The following EEF1AKMT2 variants were observed in gnomAD, a reference collection of about 807,000 sequenced individuals.
EEF1AKMT2 encodes eukaryotic translation elongation factor 1 alpha lysine methyltransferase 2.
In EEF1AKMT2, 32 loss-of-function variants were observed where a neutral mutation model predicts 35.8. The ratio of observed to expected loss-of-function variants is 0.89; its 90% confidence interval spans 0.67 to 1.20. EEF1AKMT2 has a LOEUF of 1.20. Among genes scored for constraint, EEF1AKMT2 ranks in the 50% most tolerant of loss-of-function variants. EEF1AKMT2 has a pLI of 0.00. For missense variants in EEF1AKMT2, 330 were observed against 347.5 expected (o/e 0.95, Z 0.40); for synonymous variants, 121 against 133.7 (o/e 0.91, Z 0.65).
chr10:124,767,431 T>C (rs1442985765), intron 4 of EEF1AKMT2, among the ~76,000 whole-genome samples: 2 of 148,558 alleles, frequency 1.3e-5, no homozygotes, highest in East Asian at 3.9e-4. Context: ...GAGAATTGCT[T>C]GAACTGGGAA....
At position 124,760,466 on chromosome 10, in the gene EEF1AKMT2, G is replaced by A. The variant is rs189706561; in HGVS notation, c.*37C>T. ...TGTTTCCAGATCTGCCTCCAAAGCTGAACTTGGGTGTTGGTAGCTCTTCGA... is the reference window on the plus strand; with the variant it reads ...TGTTTCCAGATCTGCCTCCAAAGCTAAACTTGGGTGTTGGTAGCTCTTCGA... On this transcript the variant is annotated 3_prime_UTR_variant, in exon 7 of 7. Transcript: ENST00000368836. 19 of 1,613,826 alleles carry A rather than the reference G, an allele frequency of 1.2e-5. No homozygotes were observed. The African/African-American group carries it at 2.5e-4, about 22-fold the overall frequency.
chr10:124,777,973 T>A (rs1407765191), intron 3 of EEF1AKMT2, among the ~76,000 whole-genome samples: 1 of 152,112 alleles, frequency 6.6e-6, no homozygotes, highest in Non-Finnish European at 1.5e-5. Context: ...CACAACCCTC[T>A]ATATCCACAG....
chr10:124,757,272 G>A (rs1177857786), downstream of EEF1AKMT2, among the ~76,000 whole-genome samples: 1 of 151,266 alleles, frequency 6.6e-6, no homozygotes, highest in African/African-American at 2.4e-5. Context: ...GCAGAGGGCT[G>A]TCCAGGAGCA....
At chr10:124,787,930 G>C (rs948263438) in intron 3 of EEF1AKMT2, among the ~76,000 whole-genome samples, 1 of 152,040 alleles carries the variant, frequency 6.6e-6, no homozygotes, top group Non-Finnish European at 1.5e-5. Context: ...TTTCAAGAAG[G>C]GTTATTTCAA....
chr10:124,788,729 T>TATATATATATATATATATATAC (rs57124028), intron 3 of EEF1AKMT2, among the ~76,000 whole-genome samples: 1 of 141,320 alleles, frequency 7.1e-6, no homozygotes, highest in African/African-American at 2.5e-5. Flanking sequence ...TATATATATA[T>TATATATATATATATATATATAC]GCATTTCTAG....
intron 3 of EEF1AKMT2, among the ~76,000 whole-genome samples, chr10:124,782,599 AAAAAG>A (rs1950551614): frequency 6.7e-6 from 1 of 150,102 alleles, no homozygotes; most frequent in South Asian, 2.1e-4. Flanking sequence ...AAAAAAAAAA[AAAAAG>A]AGTTCAAGAC....
chr10:124,760,394 G>T lies in EEF1AKMT2; in HGVS notation c.*109C>A. 6.3e-7 allele frequency: 1 copy of T among 1,580,018 alleles called. No homozygotes were observed. The highest frequency in any genetic ancestry group is 1.1e-5 in the South Asian group (1 of 89,050). On this transcript the variant is annotated 3_prime_UTR_variant, in exon 7 of 7. Transcript: ENST00000368836. ...AGATTCTGTGTAGCTACCTGAATTC[G>T]TCCAAGAAAAAGTCTCACATTTTTT...
chr10:124,777,256 G>A (rs1166125795), intron 3 of EEF1AKMT2, among the ~76,000 whole-genome samples: 1 of 148,414 alleles, frequency 6.7e-6, no homozygotes, highest in Non-Finnish European at 1.5e-5. Context: ...TCCAGCCTGG[G>A]CTACAAGAGC....
chr10:124,762,706 C>T (rs1299379419), intron 5 of EEF1AKMT2, 148 bp from the exon 6 acceptor site: 1 of 367,344 alleles, frequency 2.7e-6, no homozygotes, highest in African/African-American at 2.2e-5. Flanking sequence ...TATTATAATG[C>T]TTATTAAAAG....
intron 4 of EEF1AKMT2, among the ~76,000 whole-genome samples, chr10:124,774,374 CAAAAA>C (rs57130146): frequency 2.8e-4 from 6 of 21,708 alleles, no homozygotes; most frequent in Admixed American, 1.1e-3. Flanking sequence ...GACTCAGTCT[CAAAAA>C]AAAAAAAAAA....
In EEF1AKMT2 at chr10:124,791,147, T is replaced by G. The variant is rs1474278558; in HGVS notation, c.110+577A>C. ...CTCCCTCTCATCCCGCCAATTTACC[T>G]CTCCCCAACTGTTCCCTGCAGCCAT... is the stretch of plus-strand genomic sequence containing the variant. On this transcript the variant is annotated intron_variant, in intron 1 of 6. Transcript: ENST00000368836. Among the ~76,000 whole-genome samples, 4 of 152,070 alleles carry G rather than the reference T, an allele frequency of 2.6e-5. No homozygotes were observed. The East Asian group carries it at 7.8e-4, about 29-fold the overall frequency.
intron 5 of EEF1AKMT2, among the ~76,000 whole-genome samples, chr10:124,765,071 T>C (rs767201477): frequency 6.6e-6 from 1 of 152,122 alleles, no homozygotes; most frequent in Non-Finnish European, 1.5e-5. Flanking sequence ...CCAGCTAATT[T>C]TTTGTATTTT....
At chr10:124,764,770 A>G (rs1258256051) in intron 5 of EEF1AKMT2, among the ~76,000 whole-genome samples, 2 of 152,234 alleles carry the variant, frequency 1.3e-5, no homozygotes. Flanking sequence ...TTCCATTTGC[A>G]TTATTATGGA....
At chr10:124,791,600 T>C (rs879370454) in intron 1 of EEF1AKMT2, 124 bp downstream of exon 1, 63 of 1,398,242 alleles carry the variant, frequency 4.5e-5, no homozygotes, top group Non-Finnish European at 5.8e-5. Flanking sequence ...CAGGTGGCCC[T>C]GCTCCCGTCA....
At position 124,790,241 on chromosome 10, in the gene EEF1AKMT2, T is replaced by C. The variant is rs375205453; in HGVS notation, c.176+32A>G. The C allele has an allele frequency of 5.2e-5, 77 of 1,476,358 alleles. No individual in the cohort carries two copies. In the African/African-American group the frequency reaches 9.1e-4, roughly 17 times the overall value. The allele number at this position is 1,476,358 out of a possible 1,614,324, so 91.5% of individuals were successfully genotyped here. ...ACACACACATATACATATAATCTTC[T>C]AGATTATAACTTGATTCTTTTCCTA... On this transcript the variant is annotated intron_variant, in intron 2 of 6. Coordinates refer to ENST00000368836, the MANE Select transcript of EEF1AKMT2 (RefSeq NM_212554.4).
At chr10:124,778,608 C>T (rs1226660389) in intron 3 of EEF1AKMT2, among the ~76,000 whole-genome samples, 1 of 151,768 alleles carries the variant, frequency 6.6e-6, no homozygotes, top group African/African-American at 2.4e-5. Context: ...CCTGTAATCC[C>T]AGCTACTCGG....
intron 4 of EEF1AKMT2, among the ~76,000 whole-genome samples, chr10:124,768,630 G>A (rs1287931948): frequency 3.3e-5 from 5 of 152,030 alleles, no homozygotes; most frequent in Non-Finnish European, 7.4e-5. Flanking sequence ...CATGCCTGTA[G>A]TCCCAGCTAC....
rs1253755013 is a variant in EEF1AKMT2, at chr10:124,758,598, CT to C, written c.*1904del. 1 of 151,788 alleles carries C rather than the reference CT, an allele frequency of 6.6e-6. No individual in the cohort carries two copies. Among genetic ancestry groups the C allele is most frequent in the Non-Finnish European group, 1.5e-5 (1 of 67,966 alleles). The allele number at this position is 151,788 out of a possible 1,614,324, so 9.4% of individuals were successfully genotyped here. A position where few individuals can be genotyped will look rare whatever the true frequency, so the allele number is the denominator to read the frequency against. On this transcript the variant is annotated 3_prime_UTR_variant, in exon 7 of 7. Coordinates refer to ENST00000368836, the MANE Select transcript of EEF1AKMT2 (RefSeq NM_212554.4). Reference sequence around the variant, plus strand: ...AAAAGCTTTTCAACAAAGAACCATTCTAAGCTTTTTGTGAATCAAACTCAAC... The same window carrying C: ...AAAAGCTTTTCAACAAAGAACCATTCAAGCTTTTTGTGAATCAAACTCAAC...
intron 3 of EEF1AKMT2, among the ~76,000 whole-genome samples, chr10:124,786,033 T>A: frequency 6.6e-6 from 1 of 151,410 alleles, no homozygotes; most frequent in East Asian, 2.0e-4. Flanking sequence ...AAAAACAGCC[T>A]ACTATATGAT....
Sources: allele counts gnomAD v4.1 joint callset (sites outside exome capture counted in the v4.1 genomes callset), GRCh38; gene constraint gnomAD v4.1.1; transcripts MANE v1.5; gene names NCBI Gene and HGNC (gene_info 2026-07-23, HGNC 2026-07-21).